The following PHF19 variants were observed in gnomAD, a reference collection of about 807,000 sequenced individuals.
The protein encoded by PHF19 is PHD finger protein 19, also known as polycomb like 3.
A neutral mutation model predicts 79.8 loss-of-function variants in PHF19; 21 were observed. The observed-to-expected ratio is 0.26, with a 90% CI of 0.19 to 0.38. PHF19 has a LOEUF of 0.38. Among genes scored for constraint, PHF19 ranks in the 10% least tolerant of loss-of-function variants. The pLI is 1.00. For synonymous variants in PHF19, 273 were observed against 296.3 expected (o/e 0.92, Z 0.81); for missense variants, 445 against 744.2 (o/e 0.60, Z 4.68).
intron 3 of PHF19, among the ~76,000 whole-genome samples, chr9:120,872,133 C>T (rs889512166): frequency 6.7e-6 from 1 of 148,726 alleles, no homozygotes; most frequent in Non-Finnish European, 1.5e-5. Flanking sequence ...AACAGGTGTT[C>T]CAAGACGTTT....
At chr9:120,901,195 C>T in the PHF19 span, among the ~76,000 whole-genome samples, 1 of 150,368 alleles carries the variant, frequency 6.7e-6, no homozygotes, top group Non-Finnish European at 1.5e-5. Context: ...TACCTGATTT[C>T]TTTTTTTTGT....
intron 1 of PHF19, among the ~76,000 whole-genome samples, chr9:120,889,302 T>G (rs1245478093): frequency 6.6e-6 from 1 of 151,996 alleles, no homozygotes; most frequent in Non-Finnish European, 1.5e-5. Flanking sequence ...GGCAGGCGCC[T>G]GTAGTCCCTG....
rs2045828554 is a variant in PHF19, at chr9:120,869,643, C to T, written c.465+202G>A. On this transcript the variant is annotated intron_variant, in intron 5 of 14. Coordinates refer to ENST00000373896, the MANE Select transcript of PHF19 (RefSeq NM_015651.3). The surrounding 1 kb of genome is among the most constrained non-coding windows in gnomAD (Gnocchi z 5.8). ...TGGTCCCGTTATTCCCGACACCAAA[C>T]CCATCTCCACTTTACAGTTGAGGAA... The T allele has an allele frequency of 1.3e-6, 2 of 1,535,054 alleles. No homozygotes were observed. The highest frequency in any genetic ancestry group is 1.4e-5 in the African/African-American group (1 of 72,602).
chr9:120,895,548 G>A (rs1012382608), upstream of PHF19, among the ~76,000 whole-genome samples: 5 of 151,822 alleles, frequency 3.3e-5, no homozygotes, highest in African/African-American at 1.2e-4. Flanking sequence ...GAACCCCCCA[G>A]TGAGCTCTAC....
chr9:120,873,916 A>G, intron 3 of PHF19, 63 bp downstream of exon 3: 1 of 805,448 alleles, frequency 1.2e-6, no homozygotes, highest in Non-Finnish European at 2.2e-6. Flanking sequence ...GAAGAAATGA[A>G]GGCAGCAGAG....
In PHF19 at chr9:120,870,509, T is replaced by C. The variant is rs759261784; in HGVS notation, c.298A>G (p.Asn100Asp). The stretch of plus-strand genomic sequence containing the variant: ...CCTGATGTCTTCCCTAGGCAGATGT[T>C]GCACTTGGGCTCCTCTCCTGGAACA... The part of the protein sequence containing the change: ...AGVPGEEPKC[N>D]ICLGKTSGPL... The change falls in exon 4 of 15, where the codon AAC becomes GAC. Residue 100 changes from asparagine (N) to aspartate (D), a missense_variant. This residue lies in a region of PHF19 where 167 missense variants were observed against 375.8 expected (regional missense o/e 0.44). Transcript: ENST00000373896. The surrounding 1 kb of genome is among the most constrained non-coding windows in gnomAD (Gnocchi z 4.4). 6.2e-7 allele frequency: 1 copy of C among 1,612,628 alleles called. No individual in the cohort carries two copies. The highest frequency in any genetic ancestry group is 1.1e-5 in the South Asian group (1 of 91,054).
rs2045877444 is a variant in PHF19, at chr9:120,870,937, CTG to C, written c.269-401_269-400del. 6.6e-6 allele frequency among the ~76,000 whole-genome samples: 1 copy of C among 152,194 alleles called. No individual in the cohort carries two copies. The highest frequency in any genetic ancestry group is 1.5e-5 in the Non-Finnish European group (1 of 68,028). ...TGTTTGTTTTGTTGAGATGGAGTCT[CTG>C]TCACCCAGGCTGGAGTGCAGTGGTG... is the stretch of plus-strand genomic sequence containing the variant. On this transcript the variant is annotated intron_variant, in intron 3 of 14. Coordinates refer to ENST00000373896, the MANE Select transcript of PHF19 (RefSeq NM_015651.3). This position sits in a 1 kb window ranked among gnomAD's most constrained non-coding sequence, Gnocchi z 4.4.
At position 120,874,476 on chromosome 9, in the gene PHF19, C is replaced by T. The variant is rs960748673; in HGVS notation, c.186+80G>A. ...GGGAATTCTCCAGCAATCCCCCTGCCCCCTGGTCTGACAGCCAGGCTGGAA... is the reference window on the plus strand; with the variant it reads ...GGGAATTCTCCAGCAATCCCCCTGCTCCCTGGTCTGACAGCCAGGCTGGAA... On this transcript the variant is annotated intron_variant, in intron 2 of 14. Coordinates refer to ENST00000373896, the MANE Select transcript of PHF19 (RefSeq NM_015651.3). The surrounding 1 kb of genome is among the most constrained non-coding windows in gnomAD (Gnocchi z 4.5). 4.2e-5 allele frequency: 40 copies of T among 948,640 alleles called. 1 individual carries two copies. In the Admixed American group the frequency reaches 6.9e-4, roughly 16 times the overall value. 58.8% of individuals were successfully genotyped at this position (948,640 alleles called of 1,614,324 possible). A position where few individuals can be genotyped will look rare whatever the true frequency, so the allele number is the denominator to read the frequency against.
the PHF19 span, among the ~76,000 whole-genome samples, chr9:120,901,777 C>T: frequency 6.6e-6 from 1 of 152,148 alleles, no homozygotes; most frequent in African/African-American, 2.4e-5. Context: ...ATCAGATGTT[C>T]CTCCCATCCA....
At chr9:120,864,761 T>C (rs1207655077) in intron 9 of PHF19, among the ~76,000 whole-genome samples, 1 of 152,174 alleles carries the variant, frequency 6.6e-6, no homozygotes, top group African/African-American at 2.4e-5. Flanking sequence ...AAAAAGATTA[T>C]TTAAAATTGT....
rs768002411 is a variant in PHF19 at position 120,869,847 on chromosome 9, G to T, written c.463C>A (p.Arg155=). Residue 155 remains arginine, a splice_region_variant and synonymous_variant, in exon 5 of 15, where the codon CGG becomes AGG. Coordinates refer to ENST00000373896, the MANE Select transcript of PHF19 (RefSeq NM_015651.3). The surrounding 1 kb of genome is among the most constrained non-coding windows in gnomAD (Gnocchi z 5.8). ...ACTGGGGAGGATGGAAGGCTCACCC[G>T]CACAGCCAGTGCGAAGATGCAGCGT... ...CRRCIFALAV[R]KGGALKKGAI... 6.2e-7 allele frequency: 1 copy of T among 1,612,286 alleles called. No individual in the cohort carries two copies. The highest frequency in any genetic ancestry group is 1.7e-5 in the Admixed American group (1 of 59,810).
chr9:120,858,331 CA>C, intron 14 of PHF19, 45 bp from the exon 15 acceptor site: 1 of 1,419,028 alleles, frequency 7.0e-7, no homozygotes, highest in Non-Finnish European at 9.4e-7. Flanking sequence ...TGAGGTAGAA[CA>C]ATCACAGTAA....
rs1484278289 is a variant in PHF19 at position 120,866,965 on chromosome 9, T to C, written c.615A>G (p.Glu205=). The part of the protein sequence containing the change: ...QCYCYCGGPG[E]WYLRMLQCYR... ...AACATTGCAGCATCCGCAGGTACCA[T>C]CTGGAGAGACAGAGGAGCCAAGGTC... The change falls in exon 7 of 15, where the codon GAA becomes GAG. Residue 205 remains glutamate, a splice_region_variant and synonymous_variant. Transcript: ENST00000373896. This position sits in a 1 kb window ranked among gnomAD's most constrained non-coding sequence, Gnocchi z 5.2. The C allele has an allele frequency of 1.9e-6, 3 of 1,600,730 alleles. No homozygotes were observed. The highest frequency in any genetic ancestry group is 2.6e-6 in the Non-Finnish European group (3 of 1,168,062).
chr9:120,863,880 G>T (rs1338639916), intron 10 of PHF19, among the ~76,000 whole-genome samples, 169 bp downstream of exon 10: 2 of 152,180 alleles, frequency 1.3e-5, no homozygotes, highest in African/African-American at 2.4e-5. Flanking sequence ...GGTTGGAGTG[G>T]CTGTGCAAAG....
chr9:120,866,794 C>G lies in PHF19; in HGVS notation c.710+76G>C. ...TCTTGTCTGGAGCCTGGCAGTCAAC[C>G]TGCAGGAGTTGTTGCTGCCATCCCT... On this transcript the variant is annotated intron_variant, in intron 7 of 14. Coordinates refer to ENST00000373896, the MANE Select transcript of PHF19 (RefSeq NM_015651.3). The surrounding 1 kb of genome is among the most constrained non-coding windows in gnomAD (Gnocchi z 5.2). 1 of 799,720 alleles carries G rather than the reference C, an allele frequency of 1.3e-6. No homozygotes were observed. The highest frequency in any genetic ancestry group is 1.4e-5 in the South Asian group (1 of 72,372). The allele number at this position is 799,720 out of a possible 1,614,324, so 49.5% of individuals were successfully genotyped here.
At chr9:120,861,286 G>C in intron 12 of PHF19, 112 bp from the exon 13 acceptor site, 1 of 756,652 alleles carries the variant, frequency 1.3e-6, no homozygotes, top group Non-Finnish European at 2.4e-6. Flanking sequence ...CCCTCCCTAG[G>C]GTAAGACCAT....
At chr9:120,894,760 C>G in intron 1 of PHF19, 1 of 1,209,768 alleles carries the variant, frequency 8.3e-7, no homozygotes, top group South Asian at 4.2e-5. Context: ...GCCCGCCCCG[C>G]GGGTTCTTGT....
rs778868887 is a variant in PHF19, at chr9:120,865,838, AG to A, written c.780-9del. The A allele has an allele frequency of 1.9e-6, 3 of 1,613,958 alleles. No homozygotes were observed. The highest frequency in any genetic ancestry group is 2.2e-5 in the South Asian group (2 of 91,082). ...AGGTGAACCACATCCACCCTGGGCAAGGGGGCAAGGAGGTGGGACCAGGTGA... is the reference window on the plus strand; with the variant it reads ...AGGTGAACCACATCCACCCTGGGCAAGGGGCAAGGAGGTGGGACCAGGTGA... On this transcript the variant is annotated splice_polypyrimidine_tract_variant and intron_variant, in intron 8 of 14. Transcript: ENST00000373896.
chr9:120,889,984 C>T (rs1482987000), intron 1 of PHF19, among the ~76,000 whole-genome samples: 3 of 152,124 alleles, frequency 2.0e-5, no homozygotes, highest in Admixed American at 6.5e-5. Flanking sequence ...AATAATGGCA[C>T]CCACAGCTCA....
Sources: allele counts gnomAD v4.1 joint callset (sites outside exome capture counted in the v4.1 genomes callset), GRCh38; gene constraint gnomAD v4.1.1; regional missense constraint gnomAD v4.1.1; non-coding constraint Gnocchi (gnomAD v3.1); transcripts MANE v1.5; gene names NCBI Gene and HGNC (gene_info 2026-07-23, HGNC 2026-07-21).